The following CCDC171 variants were observed in gnomAD, a reference collection of about 807,000 sequenced individuals.
CCDC171 encodes the protein coiled-coil domain containing 171, also known as coiled-coil domain-containing protein 171.
In CCDC171, 177 loss-of-function variants were observed where a neutral mutation model predicts 168.2. The ratio of observed to expected loss-of-function variants is 1.05; its 90% CI spans 0.93 to 1.19. The LOEUF is 1.19. CCDC171 is among the 50% of genes most tolerant of loss of function. CCDC171 has a pLI of 0.00. For missense variants in CCDC171, 1,991 were observed against 1,539.0 expected (o/e 1.29, Z -4.91); for synonymous variants, 687 against 540.8 (o/e 1.27, Z -3.75).
At chr9:16,009,324 A>G (rs3008725) in intron 3 of CCDC171, among the ~76,000 whole-genome samples, 135,967 of 152,172 alleles carry the variant, frequency 0.89, 60,925 homozygotes, top group Admixed American at 0.92. Context: ...TGCATTCCTG[A>G]TATCAAAGTA....
Position 15,628,781 on chromosome 9 carries a change from C to A in CCDC171, c.822+5368C>A, listed in dbSNP as rs979654460. Among the ~76,000 whole-genome samples the A allele has an allele frequency of 8.7e-4, 132 of 152,278 alleles. 1 individual carries two copies. Among genetic ancestry groups the A allele is most frequent in the African/African-American group, 2.8e-3 (118 of 41,560 alleles). On this transcript the variant is annotated intron_variant, in intron 7 of 25. Transcript: ENST00000380701. Reference sequence around the variant, plus strand: ...AGCAGCCTAACTGGGAGGCACCCCCCAGTAGAGGCAGACTGACACCTCACA... The same window carrying A: ...AGCAGCCTAACTGGGAGGCACCCCCAAGTAGAGGCAGACTGACACCTCACA...
chr9:15,976,354 T>C (rs185943996), downstream of CCDC171, among the ~76,000 whole-genome samples: 3 of 152,302 alleles, frequency 2.0e-5, no homozygotes, highest in Admixed American at 6.5e-5. Context: ...CTTTTCGGTT[T>C]CCATTTTATA....
At chr9:15,646,982 A>C (rs1279066577) in intron 7 of CCDC171, among the ~76,000 whole-genome samples, 1 of 152,244 alleles carries the variant, frequency 6.6e-6, no homozygotes, top group Non-Finnish European at 1.5e-5. Flanking sequence ...TTATTCCAAA[A>C]TTGACCACAT....
intron 23 of CCDC171, among the ~76,000 whole-genome samples, chr9:15,873,701 A>C (rs1358148787): frequency 6.6e-6 from 1 of 152,114 alleles, no homozygotes; most frequent in African/African-American, 2.4e-5. Flanking sequence ...TTAAAAACCA[A>C]AATATCTGTT....
At chr9:15,567,413 C>G (rs561191223) in intron 2 of CCDC171, among the ~76,000 whole-genome samples, 2 of 152,270 alleles carry the variant, frequency 1.3e-5, no homozygotes, top group Non-Finnish European at 2.9e-5. Context: ...ATTGTTTTGG[C>G]TATTTTGAAT....
At position 15,972,108 on chromosome 9, in the gene CCDC171, C is replaced by A; in HGVS notation, c.*272C>A. The A allele has an allele frequency of 7.5e-6, 3 of 401,788 alleles. No homozygotes were observed. The highest frequency in any genetic ancestry group is 9.2e-5 in the East Asian group (2 of 21,654). The allele number at this position is 401,788 out of a possible 1,614,324, so 24.9% of individuals were successfully genotyped here. ...GGAATGACACATTTTGGGTAATTTC[C>A]CTCAGACTTAAAAAAATCAATAAGC... On this transcript the variant is annotated 3_prime_UTR_variant, in exon 26 of 26. Transcript: ENST00000380701.
chr9:16,007,713 G>C (rs569518116), intron 3 of CCDC171, among the ~76,000 whole-genome samples: 119 of 152,186 alleles, frequency 7.8e-4, no homozygotes, highest in African/African-American at 2.5e-3. Flanking sequence ...GCTTGTTTTT[G>C]TCAGGTTTGT....
chr9:15,977,226 A>C (rs967382087), downstream of CCDC171, among the ~76,000 whole-genome samples: 1 of 151,912 alleles, frequency 6.6e-6, no homozygotes, highest in Admixed American at 6.6e-5. Flanking sequence ...TTTTTTCTGA[A>C]CCTCCCCCTG....
At chr9:16,040,591 G>C (rs1023981219), upstream of CCDC171, among the ~76,000 whole-genome samples, 1 of 152,242 alleles carries the variant, frequency 6.6e-6, no homozygotes, top group African/African-American at 2.4e-5. Flanking sequence ...GAATTTGATT[G>C]TTTGCAGTTG....
intron 25 of CCDC171, among the ~76,000 whole-genome samples, chr9:15,969,425 T>C (rs1831131979): frequency 6.6e-6 from 1 of 152,158 alleles, no homozygotes; most frequent in Admixed American, 6.5e-5. Flanking sequence ...TAAGTTTGAG[T>C]AAATTATGCA....
chr9:15,796,664 A>G (rs939829436), intron 21 of CCDC171, among the ~76,000 whole-genome samples: 1 of 152,182 alleles, frequency 6.6e-6, no homozygotes, highest in Non-Finnish European at 1.5e-5. Context: ...GGGTGTTGGC[A>G]GGGTGCAAGA....
At chr9:15,731,048 A>G (rs1212430487) in intron 16 of CCDC171, among the ~76,000 whole-genome samples, 1 of 152,092 alleles carries the variant, frequency 6.6e-6, no homozygotes, top group Non-Finnish European at 1.5e-5. Flanking sequence ...CACCTTGAGC[A>G]TTTATCATTT....
intron 21 of CCDC171, among the ~76,000 whole-genome samples, chr9:15,803,253 T>C (rs2058913860): frequency 6.6e-6 from 1 of 152,214 alleles, no homozygotes; most frequent in Non-Finnish European, 1.5e-5. Context: ...GCAGAAGCTC[T>C]TTAGTTTAGT....
intron 16 of CCDC171, among the ~76,000 whole-genome samples, chr9:15,739,914 T>A (rs972602601): frequency 3.1e-4 from 47 of 152,166 alleles, no homozygotes; most frequent in African/African-American, 1.1e-3. Context: ...ATTTTTTGTA[T>A]TTTTAGTAGA....
intron 24 of CCDC171, among the ~76,000 whole-genome samples, chr9:15,908,497 G>A (rs935858432): frequency 7.0e-6 from 1 of 142,816 alleles, no homozygotes; most frequent in South Asian, 2.2e-4. Context: ...ACACACTGGG[G>A]CCTGTTGTCG....
intron 1 of CCDC171, among the ~76,000 whole-genome samples, chr9:16,051,879 G>A (rs560737817): frequency 6.6e-6 from 1 of 152,322 alleles, no homozygotes; most frequent in Admixed American, 6.5e-5. Flanking sequence ...ACATGGCTGG[G>A]GAGGCCTCAA....
At chr9:15,971,398 G>C (rs1188203462) in intron 25 of CCDC171, among the ~76,000 whole-genome samples, 1 of 152,058 alleles carries the variant, frequency 6.6e-6, no homozygotes, top group Non-Finnish European at 1.5e-5. Context: ...TTGTTGTCTA[G>C]AAAAGTTCAG....
intron 18 of CCDC171, among the ~76,000 whole-genome samples, chr9:15,770,218 T>C (rs2056941424): frequency 6.6e-6 from 1 of 152,222 alleles, no homozygotes; most frequent in Non-Finnish European, 1.5e-5. Flanking sequence ...ACATGTATGA[T>C]GCCTTGTTGA....
At chr9:16,055,702 C>T (rs755486823) in intron 1 of CCDC171, among the ~76,000 whole-genome samples, 2 of 152,230 alleles carry the variant, frequency 1.3e-5, no homozygotes, top group Non-Finnish European at 1.5e-5. Flanking sequence ...ATCTGCTGAA[C>T]ATAGCCCTAA....
Sources: allele counts gnomAD v4.1 joint callset (sites outside exome capture counted in the v4.1 genomes callset), GRCh38; gene constraint gnomAD v4.1.1; transcripts MANE v1.5; gene names NCBI Gene and HGNC (gene_info 2026-07-23, HGNC 2026-07-21).